The following UGT1A8 variants were observed in gnomAD, a reference collection of about 807,000 sequenced individuals.
The protein encoded by UGT1A8 is UDP-glucuronosyltransferase 1A8.
Under a neutral mutation model 45.3 loss-of-function variants are expected in UGT1A8, and 39 were observed. The observed-to-expected ratio is 0.86, with a 90% CI of 0.67 to 1.12. UGT1A8 has a LOEUF of 1.12. Among genes scored for constraint, UGT1A8 ranks in the 50% most tolerant of loss-of-function variants. The pLI is 0.00. For synonymous variants in UGT1A8, 275 were observed against 249.2 expected (o/e 1.10, Z -0.97); for missense variants, 719 against 664.9 (o/e 1.08, Z -0.90).
chr2:233,661,623 T>TTTTCTTTCCTTCTTTCTTTC (rs1553602618), intron 1 of UGT1A8, among the ~76,000 whole-genome samples: 50 of 124,046 alleles, frequency 4.0e-4, no homozygotes, highest in African/African-American at 1.5e-3. Context: ...ACTTACTGAA[T>TTTTCTTTCCTTCTTTCTTTC]TTTCTTTCTT....
At chr2:233,721,475 C>T (rs1272285842) in intron 1 of UGT1A8, 9 of 174,082 alleles carry the variant, frequency 5.2e-5, no homozygotes, top group Admixed American at 4.3e-4. Context: ...TATCTGTTAT[C>T]ATTCTTATTA....
chr2:233,748,217 A>T, intron 1 of UGT1A8: 1 of 1,473,232 alleles, frequency 6.8e-7, no homozygotes, highest in East Asian at 2.4e-5. Flanking sequence ...CTTCAGTGAG[A>T]TAAACTGTTA....
At chr2:233,650,015 G>C (rs887400824) in intron 1 of UGT1A8, among the ~76,000 whole-genome samples, 5 of 152,188 alleles carry the variant, frequency 3.3e-5, no homozygotes, top group African/African-American at 1.2e-4. Flanking sequence ...TTGTTGTCGA[G>C]GCTGGGGTGC....
chr2:233,726,536 A>G (rs956435699), intron 1 of UGT1A8, among the ~76,000 whole-genome samples: 1 of 152,196 alleles, frequency 6.6e-6, no homozygotes, highest in African/African-American at 2.4e-5. Flanking sequence ...AGGGAGATGC[A>G]GTGCAGCGTC....
Position 233,729,933 on chromosome 2 carries a change from C to T in UGT1A8, c.856-37101C>T, listed in dbSNP as rs759524268. The T allele has an allele frequency of 1.9e-5, 31 of 1,614,088 alleles. No homozygotes were observed. The African/African-American group carries it at 3.9e-4, about 20-fold the overall frequency. Reference sequence around the variant, plus strand: ...TTGTGATGGACTACCCCAGGCCAATCATGCCCAACATGGTCTTCATTGGGG... The same window carrying T: ...TTGTGATGGACTACCCCAGGCCAATTATGCCCAACATGGTCTTCATTGGGG... On this transcript the variant is annotated intron_variant, in intron 1 of 4. Transcript: ENST00000373450.
At chr2:233,684,756 T>C (rs1404556453) in intron 1 of UGT1A8, among the ~76,000 whole-genome samples, 1 of 152,116 alleles carries the variant, frequency 6.6e-6, no homozygotes, top group Non-Finnish European at 1.5e-5. Flanking sequence ...CAAAGAAGAA[T>C]TCAGATCATA....
intron 1 of UGT1A8, among the ~76,000 whole-genome samples, chr2:233,641,181 T>C (rs923402676): frequency 2.0e-5 from 3 of 152,156 alleles, no homozygotes; most frequent in African/African-American, 7.2e-5. Context: ...GCAACATATT[T>C]TCCTACTTTC....
chr2:233,667,095 T>G (rs899419692), intron 1 of UGT1A8, among the ~76,000 whole-genome samples: 45 of 152,314 alleles, frequency 3.0e-4, no homozygotes, highest in African/African-American at 1.1e-3. Context: ...TTGTGAATAG[T>G]GCTGCAATAA....
In UGT1A8 at chr2:233,731,246, C is replaced by T. The variant is rs139669566; in HGVS notation, c.856-35788C>T. Among the ~76,000 whole-genome samples, 684 of 150,450 alleles carry T rather than the reference C, an allele frequency of 4.5e-3. 5 individuals carry two copies. The highest frequency in any genetic ancestry group is 0.016 in the African/African-American group (645 of 41,062). On this transcript the variant is annotated intron_variant, in intron 1 of 4. Coordinates refer to ENST00000373450, the MANE Select transcript of UGT1A8 (RefSeq NM_019076.5). ...GTAAAAATGTTGAAAAGTGGGATGG[C>T]ATTTAAATAGTGACTGTTGCCCTTC... is the stretch of plus-strand genomic sequence containing the variant.
rs1483331667 is a variant in UGT1A8 at position 233,618,009 on chromosome 2, A to G, written c.302A>G (p.Gln101Arg). Residue 101 changes from glutamine (Q) to arginine (R), a missense_variant, in exon 1 of 5, where the codon CAA (glutamine) becomes CGA (arginine). Transcript: ENST00000373450. ...TTCGCCGATGCTCAATGGAAAGCAC[A>G]AGTACGAAGTTTGTTTTCTCTATTT... ...MDFADAQWKAQVRSLFSLFLS... is the reference protein window; with the variant it reads ...MDFADAQWKARVRSLFSLFLS... 7 of 1,614,056 alleles carry G rather than the reference A, an allele frequency of 4.3e-6. No individual in the cohort carries two copies. In the East Asian group the frequency reaches 1.6e-4, roughly 36 times the overall value.
At chr2:233,718,037 G>A (rs1268815456) in intron 1 of UGT1A8, 2 of 377,926 alleles carry the variant, frequency 5.3e-6, no homozygotes, top group Non-Finnish European at 1.0e-5. Context: ...CCTTTGGTGA[G>A]CAGGAGCTCC....
rs1357541469 is a variant in UGT1A8, at chr2:233,682,278, A to G, written c.855+63716A>G. The G allele has an allele frequency of 8.7e-6, 14 of 1,614,140 alleles. No individual in the cohort carries two copies. In the Middle Eastern group the frequency reaches 4.9e-4, roughly 57 times the overall value. ...TTTTCTCTATTAACAAGTTCATCCA[A>G]TGGTATTTTTGACTTATTTTTTTCA... is the stretch of plus-strand genomic sequence containing the variant. On this transcript the variant is annotated intron_variant, in intron 1 of 4. Coordinates refer to ENST00000373450, the MANE Select transcript of UGT1A8 (RefSeq NM_019076.5).
chr2:233,735,436 C>A (rs1234543811), intron 1 of UGT1A8, among the ~76,000 whole-genome samples: 1 of 152,154 alleles, frequency 6.6e-6, no homozygotes, highest in Admixed American at 6.5e-5. Context: ...CTGAATACAG[C>A]ATACCGATGG....
At chr2:233,701,436 G>A (rs897816113) in intron 1 of UGT1A8, among the ~76,000 whole-genome samples, 72 of 152,132 alleles carry the variant, frequency 4.7e-4, no homozygotes, top group Non-Finnish European at 8.1e-4. Context: ...ACAGATCAAC[G>A]AGACAGAAAG....
At chr2:233,728,181 A>T (rs2077687901) in intron 1 of UGT1A8, among the ~76,000 whole-genome samples, 1 of 152,226 alleles carries the variant, frequency 6.6e-6, no homozygotes, top group South Asian at 2.1e-4. Context: ...CATTCTTATC[A>T]GAACTTGGTG....
At chr2:233,669,679 G>A (rs2074143111) in intron 1 of UGT1A8, among the ~76,000 whole-genome samples, 7 of 152,112 alleles carry the variant, frequency 4.6e-5, no homozygotes, top group Admixed American at 4.6e-4. Flanking sequence ...GGTTTTGTGG[G>A]TTTCTTTTTG....
At chr2:233,765,952 G>A (rs898895578) in intron 1 of UGT1A8, among the ~76,000 whole-genome samples, 1 of 152,064 alleles carries the variant, frequency 6.6e-6, no homozygotes, top group Non-Finnish European at 1.5e-5. Context: ...TGACCTCACC[G>A]GCAGTGTCTA....
chr2:233,764,139 C>T (rs911077141), intron 1 of UGT1A8, among the ~76,000 whole-genome samples: 4 of 152,156 alleles, frequency 2.6e-5, no homozygotes, highest in Admixed American at 1.3e-4. Context: ...TGTTAAATGT[C>T]TCATTTTGGC....
intron 1 of UGT1A8, among the ~76,000 whole-genome samples, chr2:233,641,864 G>A (rs1236506460): frequency 3.9e-5 from 6 of 152,104 alleles, no homozygotes; most frequent in Admixed American, 3.9e-4. Context: ...CCACTGAAAA[G>A]GCTGCTGCCA....
Sources: gnomAD v4.1 joint callset for allele counts (sites outside exome capture counted in the v4.1 genomes callset) on GRCh38, gnomAD v4.1.1 for gene constraint, MANE v1.5 for transcripts, NCBI Gene and HGNC (gene_info 2026-07-23, HGNC 2026-07-21) for gene names.